RHOU: variants seen among roughly 807,000 people sequenced by gnomAD.
The protein encoded by RHOU is rho-related GTP-binding protein RhoU.
Under a neutral mutation model 12.6 loss-of-function variants are expected in RHOU, and 8 were observed. The ratio of observed to expected loss-of-function variants is 0.64; its 90% CI spans 0.37 to 1.15. RHOU has a LOEUF of 1.15. RHOU is among the 50% of genes most tolerant of loss of function. The probability of loss-of-function intolerance (pLI) is 0.01; values close to 1 mark genes in which losing one functional copy is unlikely to be tolerated. For missense variants in RHOU, 258 were observed against 347.0 expected, an observed-to-expected ratio of 0.74 and a Z score of 2.04; for synonymous variants, 161 against 147.4, an observed-to-expected ratio of 1.09 and a Z score of -0.67.
chr1:228,711,704 C>T, the RHOU span, among the ~76,000 whole-genome samples: 1 of 151,832 alleles, frequency 6.6e-6, no homozygotes, highest in Non-Finnish European at 1.5e-5. Flanking sequence ...ACCATAAAAA[C>T]CCTAGAAGAA....
At chr1:228,706,278 A>G in the RHOU span, among the ~76,000 whole-genome samples, 1 of 152,196 alleles carries the variant, frequency 6.6e-6, no homozygotes, top group Non-Finnish European at 1.5e-5. Flanking sequence ...AATACTTTAG[A>G]GATATTAAAT....
chr1:228,707,251 A>AG, the RHOU span, among the ~76,000 whole-genome samples: 60 of 96,606 alleles, frequency 6.2e-4, no homozygotes, highest in Middle Eastern at 4.8e-3. Flanking sequence ...ATATATATAT[A>AG]TATAGTGTGT....
At chr1:228,682,530 C>G in the RHOU span, among the ~76,000 whole-genome samples, 4,399 of 152,162 alleles carry the variant, frequency 0.029, 103 homozygotes, top group Middle Eastern at 0.041. Flanking sequence ...GCAATGTTTT[C>G]CAGGCAGGGG....
At chr1:228,704,948 A>T in the RHOU span, among the ~76,000 whole-genome samples, 1 of 152,008 alleles carries the variant, frequency 6.6e-6, no homozygotes, top group Non-Finnish European at 1.5e-5. Flanking sequence ...CTGCAGGCAC[A>T]AGCCACCATG....
At chr1:228,650,457 G>T in the RHOU span, 1 of 456,630 alleles carries the variant, frequency 2.2e-6, no homozygotes, top group Non-Finnish European at 4.4e-6. Flanking sequence ...CTCGGAGCAC[G>T]CTGCTGCTGC....
chr1:228,736,394 CAG>C (rs981687923), intron 1 of RHOU, among the ~76,000 whole-genome samples: 27 of 152,250 alleles, frequency 1.8e-4, no homozygotes, highest in African/African-American at 5.8e-4. Context: ...GGCGCCGCTG[CAG>C]AGTTTCAATC....
the RHOU span, among the ~76,000 whole-genome samples, chr1:228,711,960 C>T: frequency 2.2e-5 from 3 of 135,534 alleles, no homozygotes; most frequent in East Asian, 2.1e-4. Context: ...AACAAATTTA[C>T]AAGAAAAAAA....
At chr1:228,694,369 A>G in the RHOU span, among the ~76,000 whole-genome samples, 1 of 151,960 alleles carries the variant, frequency 6.6e-6, no homozygotes, top group Non-Finnish European at 1.5e-5. Flanking sequence ...CAGGATATGC[A>G]GGTTTGTTAC....
Position 228,737,638 on chromosome 1 carries a change from C to A in RHOU, c.263-35C>A. The A allele has an allele frequency of 1.2e-6, 2 of 1,605,914 alleles. No individual in the cohort carries two copies. Among genetic ancestry groups the A allele is most frequent in the Non-Finnish European group, 1.7e-6 (2 of 1,172,454 alleles). On this transcript the variant is annotated intron_variant, in intron 1 of 2. Transcript: ENST00000366691. The surrounding 1 kb of genome is among the most constrained non-coding windows in gnomAD (Gnocchi z 4.1). ...TAGTATTCCGAAAGGGGTTAAAAGA[C>A]ACCTCCTGATTGTCATTTTGGTTTT...
At chr1:228,739,932 G>T (rs992522176) in intron 2 of RHOU, among the ~76,000 whole-genome samples, 1 of 152,214 alleles carries the variant, frequency 6.6e-6, no homozygotes, top group Non-Finnish European at 1.5e-5. Context: ...TAAGTTGTGG[G>T]CCTGCCCCTT....
the RHOU span, among the ~76,000 whole-genome samples, chr1:228,697,337 T>C: frequency 6.6e-6 from 1 of 152,200 alleles, no homozygotes; most frequent in African/African-American, 2.4e-5. Flanking sequence ...TCCTTTTGTT[T>C]TCTTTTCTGC....
the RHOU span, among the ~76,000 whole-genome samples, chr1:228,707,253 A>AGTGTGTGTG: frequency 6.5e-5 from 5 of 77,160 alleles, no homozygotes; most frequent in East Asian, 3.6e-4. Flanking sequence ...ATATATATAT[A>AGTGTGTGTG]TAGTGTGTGT....
At chr1:228,707,547 G>C in the RHOU span, among the ~76,000 whole-genome samples, 5 of 151,774 alleles carry the variant, frequency 3.3e-5, no homozygotes, top group Non-Finnish European at 5.9e-5. Flanking sequence ...AGCAGGGGCA[G>C]ACTGACACCT....
chr1:228,683,101 T>A, the RHOU span, among the ~76,000 whole-genome samples: 3 of 148,926 alleles, frequency 2.0e-5, no homozygotes, highest in African/African-American at 2.6e-5. Context: ...CCAGAAGAAA[T>A]TGCCACCCTT....
chr1:228,650,506 T>A, the RHOU span: 2 of 456,498 alleles, frequency 4.4e-6, no homozygotes, highest in South Asian at 1.5e-5. Flanking sequence ...GGTGCTGAAC[T>A]AGGGGAGCTG....
chr1:228,734,853 T>A (rs1055189725), upstream of RHOU, among the ~76,000 whole-genome samples: 1 of 152,148 alleles, frequency 6.6e-6, no homozygotes, highest in African/African-American at 2.4e-5. Flanking sequence ...TATAAAAAAA[T>A]TTCTGGAGCA....
the RHOU span, among the ~76,000 whole-genome samples, chr1:228,684,760 A>C: frequency 6.6e-6 from 1 of 152,202 alleles, no homozygotes. Flanking sequence ...GTGAGGGAGA[A>C]GGAACCACAA....
the RHOU span, among the ~76,000 whole-genome samples, chr1:228,647,073 T>G: frequency 5.9e-5 from 9 of 151,926 alleles, no homozygotes; most frequent in Middle Eastern, 0.014. Context: ...GTTTGAGCCT[T>G]AGAGAGGAAG....
At chr1:228,687,970 C>T in the RHOU span, 2 of 631,930 alleles carry the variant, frequency 3.2e-6, no homozygotes, top group Admixed American at 4.5e-5. Flanking sequence ...GTCCTTCCTC[C>T]CTCCCTCCCT....
Sources: gnomAD v4.1 joint callset for allele counts (sites outside exome capture counted in the v4.1 genomes callset) on GRCh38, gnomAD v4.1.1 for gene constraint, Gnocchi (gnomAD v3.1) non-coding constraint, MANE v1.5 for transcripts, NCBI Gene and HGNC (gene_info 2026-07-23, HGNC 2026-07-21) for gene names.